The following EYS variants were observed in gnomAD, a reference collection of about 807,000 sequenced individuals.
EYS encodes protein eyes shut homolog.
EYS carries 250 observed loss-of-function variants against 282.1 expected under a neutral mutation model. That is an observed-to-expected ratio of 0.89 (90% CI 0.80 to 0.98). The LOEUF is 0.98. Among genes scored for constraint, EYS ranks in the 50% least tolerant of loss-of-function variants. EYS has a pLI of 0.00. For missense variants in EYS, 4,016 were observed against 3,709.0 expected (o/e 1.08, Z -2.15); for synonymous variants, 1,355 against 1,282.9 (o/e 1.06, Z -1.20).
At chr6:64,294,333 C>T (rs945104305) in intron 30 of EYS, among the ~76,000 whole-genome samples, 1 of 152,124 alleles carries the variant, frequency 6.6e-6, no homozygotes, top group African/African-American at 2.4e-5. Flanking sequence ...TCATGCTATT[C>T]TAAAAATTTA....
At chr6:65,012,448 G>T (rs1258483764) in intron 13 of EYS, among the ~76,000 whole-genome samples, 1 of 152,136 alleles carries the variant, frequency 6.6e-6, no homozygotes, top group Non-Finnish European at 1.5e-5. Flanking sequence ...AAAAACGCCT[G>T]GCTGAATACT....
intron 22 of EYS, among the ~76,000 whole-genome samples, chr6:64,740,432 T>G (rs1772331327): frequency 6.6e-6 from 1 of 152,180 alleles, no homozygotes. Context: ...GGAGAACAGG[T>G]GATCTATAGA....
chr6:65,183,603 G>C (rs1765445315), intron 12 of EYS, among the ~76,000 whole-genome samples: 1 of 151,724 alleles, frequency 6.6e-6, no homozygotes, highest in South Asian at 2.1e-4. Flanking sequence ...TGTGTTACCA[G>C]TTATGATATA....
intron 5 of EYS, among the ~76,000 whole-genome samples, chr6:65,446,713 C>T (rs1367715291): frequency 6.6e-6 from 1 of 151,844 alleles, no homozygotes; most frequent in Non-Finnish European, 1.5e-5. Context: ...TTCCTGAATT[C>T]ATCCTAAATT....
intron 13 of EYS, among the ~76,000 whole-genome samples, chr6:64,998,052 A>G (rs986909069): frequency 2.6e-4 from 40 of 152,166 alleles, no homozygotes; most frequent in African/African-American, 9.7e-4. Flanking sequence ...CTCTTGTATC[A>G]TTTAATTTTC....
chr6:64,213,567 T>C (rs1235399222), intron 31 of EYS, among the ~76,000 whole-genome samples: 1 of 152,172 alleles, frequency 6.6e-6, no homozygotes, highest in East Asian at 1.9e-4. Context: ...AAAACCTCTA[T>C]ATATACAAAA....
intron 26 of EYS, among the ~76,000 whole-genome samples, chr6:64,506,232 G>A (rs1040085509): frequency 6.6e-6 from 1 of 152,144 alleles, no homozygotes; most frequent in East Asian, 1.9e-4. Context: ...AACATAGTCA[G>A]TAAATTTACT....
intron 22 of EYS, among the ~76,000 whole-genome samples, chr6:64,714,663 C>CTA (rs1771324106): frequency 6.6e-6 from 1 of 151,796 alleles, no homozygotes; most frequent in South Asian, 2.1e-4. Context: ...GTAGCTGGGA[C>CTA]TATAGGAGCC....
intron 35 of EYS, among the ~76,000 whole-genome samples, chr6:63,932,658 GA>G (rs890703591): frequency 9.2e-5 from 14 of 151,998 alleles, no homozygotes; most frequent in African/African-American, 3.1e-4. Flanking sequence ...AAAGGTATAG[GA>G]AAAAAACTAA....
chr6:64,977,752 C>T (rs1562284131), intron 14 of EYS, among the ~76,000 whole-genome samples: 1 of 151,514 alleles, frequency 6.6e-6, no homozygotes, highest in East Asian at 2.0e-4. Context: ...GAGAAACAGC[C>T]TTATTGCTGA....
At chr6:64,507,175 G>A (rs1777238332) in intron 26 of EYS, among the ~76,000 whole-genome samples, 1 of 151,746 alleles carries the variant, frequency 6.6e-6, no homozygotes, top group African/African-American at 2.4e-5. Flanking sequence ...TTTAATAGTA[G>A]AAATAATATA....
chr6:63,806,783 CTG>C (rs1165019816), intron 36 of EYS: 1 of 153,268 alleles, frequency 6.5e-6, no homozygotes, highest in Non-Finnish European at 1.5e-5. Flanking sequence ...TTTGAACAAA[CTG>C]TGCTTTTCTA....
At chr6:63,903,351 T>G (rs1243186274) in intron 35 of EYS, among the ~76,000 whole-genome samples, 4 of 151,978 alleles carry the variant, frequency 2.6e-5, no homozygotes, top group African/African-American at 9.7e-5. Context: ...AGAGTAGAAA[T>G]AAACACAATA....
At chr6:65,291,550 T>C (rs1049803039) in intron 12 of EYS, among the ~76,000 whole-genome samples, 2 of 151,618 alleles carry the variant, frequency 1.3e-5, no homozygotes, top group Non-Finnish European at 3.0e-5. Flanking sequence ...AAGGAGGTTA[T>C]AAACATATGT....
chr6:64,992,273 G>A (rs72875955), intron 14 of EYS, among the ~76,000 whole-genome samples: 10,285 of 151,842 alleles, frequency 0.068, 444 homozygotes, highest in East Asian at 0.13. Flanking sequence ...AATACTATAA[G>A]AAGTTTTCAT....
rs372540403 is a variant in EYS, at chr6:65,138,878, A to G, written c.2024-81151T>C. On this transcript the variant is annotated intron_variant, in intron 12 of 42. Transcript: ENST00000503581. ...CGTTAGAGAAGTGCAAATCAAAACC[A>G]CAATGAGATACCATTTCACACCAGT... is the stretch of plus-strand genomic sequence containing the variant. Among the ~76,000 whole-genome samples, 6 of 152,196 alleles carry G rather than the reference A, an allele frequency of 3.9e-5. No homozygotes were observed. In the South Asian group the frequency reaches 8.3e-4, roughly 21 times the overall value.
chr6:65,289,311 T>A (rs1269583806), intron 12 of EYS, among the ~76,000 whole-genome samples: 2 of 151,162 alleles, frequency 1.3e-5, no homozygotes, highest in South Asian at 4.1e-4. Context: ...AACTCATTTA[T>A]ATTGGGTTTG....
At chr6:64,539,918 G>A (rs1764645382) in intron 26 of EYS, among the ~76,000 whole-genome samples, 1 of 152,148 alleles carries the variant, frequency 6.6e-6, no homozygotes, top group Non-Finnish European at 1.5e-5. Context: ...GGCCTTGGAA[G>A]CATTTTTGTC....
chr6:64,728,941 TC>T (rs1205314958), intron 22 of EYS: 1 of 152,222 alleles, frequency 6.6e-6, no homozygotes, highest in Non-Finnish European at 1.5e-5. Flanking sequence ...CCCCTGGAGT[TC>T]AGCAGTCCTT....
Sources: allele counts gnomAD v4.1 joint callset (sites outside exome capture counted in the v4.1 genomes callset), GRCh38; gene constraint gnomAD v4.1.1; transcripts MANE v1.5; gene names NCBI Gene and HGNC (gene_info 2026-07-23, HGNC 2026-07-21).